The following EBF2 variants were observed in gnomAD, a reference collection of about 807,000 sequenced individuals.
EBF2 encodes the protein transcription factor COE2.
In EBF2, 21 loss-of-function variants were observed where a neutral mutation model predicts 72.8. That is an observed-to-expected ratio of 0.29 (90% confidence interval 0.20 to 0.42). The LOEUF (loss-of-function observed/expected upper bound fraction) is 0.42, where lower values mean the gene tolerates loss of function less well. Ranked by LOEUF, EBF2 falls within the 10% of genes least tolerant of loss-of-function variation. EBF2 has a pLI of 1.00. For synonymous variants in EBF2, 299 were observed against 274.2 expected, an observed-to-expected ratio of 1.09 and a Z score of -0.89; for missense variants, 637 against 731.2, an observed-to-expected ratio of 0.87 and a Z score of 1.49.
chr8:25,931,818 A>G (rs767958191), intron 6 of EBF2, among the ~76,000 whole-genome samples: 1 of 152,236 alleles, frequency 6.6e-6, no homozygotes, highest in Non-Finnish European at 1.5e-5. Flanking sequence ...CATAACGCCC[A>G]TCGGCTACAC....
chr8:25,879,278 T>C (rs534749311), intron 10 of EBF2, among the ~76,000 whole-genome samples: 2 of 152,260 alleles, frequency 1.3e-5, no homozygotes, highest in East Asian at 3.9e-4. Context: ...TCTAAAAAAG[T>C]GTAGAAGATG....
chr8:26,031,669 C>G (rs1805408654), intron 6 of EBF2: 1 of 152,032 alleles, frequency 6.6e-6, no homozygotes, highest in African/African-American at 2.4e-5. Flanking sequence ...CCCCCGACCT[C>G]AAGTGATCTG....
In EBF2 at chr8:25,873,410, G is replaced by C. The variant is rs934075451; in HGVS notation, c.1010-10613C>G. On this transcript the variant is annotated intron_variant, in intron 10 of 15. Transcript: ENST00000520164. ...AGTAGAGGGTGGAGCTGAAGTCAAG[G>C]CTGTTGAATTAAGTTGTCTTTAACC... is the stretch of plus-strand genomic sequence containing the variant. Among the ~76,000 whole-genome samples, 3 of 152,176 alleles carry C rather than the reference G, an allele frequency of 2.0e-5. No individual in the cohort carries two copies. In the South Asian group the frequency reaches 6.2e-4, roughly 32 times the overall value.
In EBF2 at chr8:26,012,158, G is replaced by A. The variant is rs1261686506; in HGVS notation, c.551+20927C>T. ...TCCTGTGTCACAGATTTTTGTTAAA[G>A]GAATGAGATTTTGTTTTTGTCCTTA... is the stretch of plus-strand genomic sequence containing the variant. On this transcript the variant is annotated intron_variant, in intron 6 of 15. Coordinates refer to ENST00000520164, the MANE Select transcript of EBF2 (RefSeq NM_022659.4). 2.6e-5 allele frequency among the ~76,000 whole-genome samples: 4 copies of A among 152,118 alleles called. No homozygotes were observed. The East Asian group carries it at 7.7e-4, about 29-fold the overall frequency.
chr8:25,945,932 T>C (rs1803761871), intron 6 of EBF2, among the ~76,000 whole-genome samples: 1 of 152,094 alleles, frequency 6.6e-6, no homozygotes, highest in Admixed American at 6.5e-5. Flanking sequence ...GAAGTCTGGT[T>C]TCAGAATGAG....
chr8:25,894,436 A>G (rs1318794692), intron 7 of EBF2, among the ~76,000 whole-genome samples: 3 of 152,144 alleles, frequency 2.0e-5, no homozygotes, highest in African/African-American at 7.2e-5. Context: ...TTCCCCTTCC[A>G]CAAGCCAACT....
rs185639220 is a variant in EBF2, at chr8:25,872,504, T to A, written c.1010-9707A>T. Among the ~76,000 whole-genome samples the A allele has an allele frequency of 7.2e-5, 11 of 152,318 alleles. No individual in the cohort carries two copies. In the East Asian group the frequency reaches 2.1e-3, roughly 29 times the overall value. On this transcript the variant is annotated intron_variant, in intron 10 of 15. Coordinates refer to ENST00000520164, the MANE Select transcript of EBF2 (RefSeq NM_022659.4). ...AAGCCTAGCCATGTGTTTGTGCATC[T>A]GTGCATTATCTGCAGAAAGGGAGCT...
chr8:26,025,139 T>C (rs1016781486), intron 6 of EBF2, among the ~76,000 whole-genome samples: 5 of 152,028 alleles, frequency 3.3e-5, no homozygotes, highest in Non-Finnish European at 7.4e-5. Context: ...CAGGTGGAAA[T>C]AGTGTATACA....
intron 6 of EBF2, among the ~76,000 whole-genome samples, chr8:25,927,168 G>GA (rs1004430569): frequency 4.7e-5 from 7 of 149,554 alleles, no homozygotes; most frequent in Admixed American, 6.7e-5. Flanking sequence ...GTTTCCTGGA[G>GA]AAAAAAAAAA....
rs796275043 is a variant in EBF2, at chr8:25,943,330, A to AGAAAG, written c.552-34776_552-34775insCTTTC. 8.8e-4 allele frequency among the ~76,000 whole-genome samples: 128 copies of AGAAAG among 145,016 alleles called. 1 individual carries two copies. The highest frequency in any genetic ancestry group is 3.4e-3 in the African/African-American group (123 of 35,938). On this transcript the variant is annotated intron_variant, in intron 6 of 15. Coordinates refer to ENST00000520164, the MANE Select transcript of EBF2 (RefSeq NM_022659.4). ...TCTACACAAAAAAAAAAAAAAAAAAAAAAGAAAGAAAGAAAGAGAAAGAAA... is the reference window on the plus strand; with the variant it reads ...TCTACACAAAAAAAAAAAAAAAAAAAGAAAGAAAGAAAGAAAGAAAGAGAAAGAAA...
chr8:26,025,870 T>G (rs970187559), intron 6 of EBF2, among the ~76,000 whole-genome samples: 1 of 151,768 alleles, frequency 6.6e-6, no homozygotes, highest in African/African-American at 2.4e-5. Flanking sequence ...GAATGAAATT[T>G]TCACTTAAAA....
At chr8:25,965,560 A>G (rs9650411) in intron 6 of EBF2, among the ~76,000 whole-genome samples, 12,194 of 152,272 alleles carry the variant, frequency 0.08, 509 homozygotes, top group Non-Finnish European at 0.093. Context: ...CTCAGGGAGA[A>G]ATCCTATCTG....
At chr8:25,926,983 T>A (rs1470618892) in intron 6 of EBF2, among the ~76,000 whole-genome samples, 3 of 152,172 alleles carry the variant, frequency 2.0e-5, no homozygotes, top group Non-Finnish European at 2.9e-5. Flanking sequence ...ATTGTGATGG[T>A]TAGTTCTTGT....
At chr8:25,866,897 G>T (rs148759746) in intron 10 of EBF2, among the ~76,000 whole-genome samples, 1 of 151,734 alleles carries the variant, frequency 6.6e-6, no homozygotes, top group South Asian at 2.1e-4. Context: ...CTCCCAAAGC[G>T]CTGGGATTAC....
rs80174333 is a variant in EBF2, at chr8:25,878,149, C to T, written c.1009+8606G>A. 1.9e-3 allele frequency among the ~76,000 whole-genome samples: 282 copies of T among 152,276 alleles called. 3 individuals carry two copies. The Middle Eastern group carries it at 0.048, about 26-fold the overall frequency. Reference sequence around the variant, plus strand: ...TCCGGCTGGTCCTCCTCTCGGGACCCGTCCTGCTCACAGCACTCACTCTGC... The same window carrying T: ...TCCGGCTGGTCCTCCTCTCGGGACCTGTCCTGCTCACAGCACTCACTCTGC... On this transcript the variant is annotated intron_variant, in intron 10 of 15. Transcript: ENST00000520164.
intron 14 of EBF2, among the ~76,000 whole-genome samples, chr8:25,855,047 T>C (rs1802059717): frequency 6.6e-6 from 1 of 152,200 alleles, no homozygotes; most frequent in African/African-American, 2.4e-5. Flanking sequence ...GGAAAGTTGA[T>C]TGCATGTACT....
At chr8:26,001,027 A>C (rs1383636896) in intron 6 of EBF2, among the ~76,000 whole-genome samples, 1 of 152,244 alleles carries the variant, frequency 6.6e-6, no homozygotes, top group Non-Finnish European at 1.5e-5. Flanking sequence ...GATACAATGC[A>C]GTCTTTAGCA....
At chr8:26,012,564 A>C (rs1201983650) in intron 6 of EBF2, among the ~76,000 whole-genome samples, 1 of 152,342 alleles carries the variant, frequency 6.6e-6, no homozygotes, top group East Asian at 1.9e-4. Flanking sequence ...TTTGCATTCG[A>C]AAATGAAATC....
At chr8:25,867,907 T>G (rs12549706) in intron 10 of EBF2, among the ~76,000 whole-genome samples, 2,114 of 152,330 alleles carry the variant, frequency 0.014, 113 homozygotes, top group Admixed American at 0.091. Flanking sequence ...ATCATCCATT[T>G]CATCAAGATT....
Sources: gnomAD v4.1 joint callset for allele counts (sites outside exome capture counted in the v4.1 genomes callset) on GRCh38, gnomAD v4.1.1 for gene constraint, MANE v1.5 for transcripts, NCBI Gene and HGNC (gene_info 2026-07-23, HGNC 2026-07-21) for gene names.